CHSY3: variants seen among roughly 807,000 people sequenced by gnomAD.
CHSY3 encodes N-acetylgalactosaminyl-proteoglycan 3-beta-glucuronosyltransferase 3.
A neutral mutation model predicts 67.2 loss-of-function variants in CHSY3; 35 were observed. That is an observed-to-expected ratio of 0.52 (90% CI 0.40 to 0.69). CHSY3 has a LOEUF of 0.69. Among genes scored for constraint, CHSY3 ranks in the 30% least tolerant of loss-of-function variants. CHSY3 has a pLI of 0.00. For missense variants in CHSY3, 1,069 were observed against 1,138.5 expected (o/e 0.94, Z 0.88); for synonymous variants, 474 against 434.7 (o/e 1.09, Z -1.12).
In CHSY3 at chr5:129,905,284, G is replaced by A. The variant is rs1322921873; in HGVS notation, c.455G>A (p.Ser152Asn). 4.1e-6 allele frequency: 6 copies of A among 1,470,672 alleles called. No homozygotes were observed. The highest frequency in any genetic ancestry group is 5.4e-6 in the Non-Finnish European group (6 of 1,114,166). The allele number at this position is 1,470,672 out of a possible 1,614,324, so 91.1% of individuals were successfully genotyped here. The change falls in exon 1 of 3, where the codon AGT becomes AAT. Residue 152 changes from serine (S) to asparagine (N), a missense_variant. Physicochemically the swap from Ser to Asn is conservative, Grantham distance 46. Around this residue, in one of 5 missense-constraint regions of CHSY3, gnomAD observed 309 missense variants for 262.5 expected, o/e 1.18. Transcript: ENST00000305031. ...CAGCGGAGAGACGGCCGGCCGGGGA[G>A]TAGCCACAACGGCAGCGGGGACGGG... Reference protein sequence around the residue: ...AGQRRDGRPGSSHNGSGDGGA... With the variant: ...AGQRRDGRPGNSHNGSGDGGA...
At chr5:129,935,328 T>G (rs187803182) in intron 2 of CHSY3, among the ~76,000 whole-genome samples, 14 of 152,284 alleles carry the variant, frequency 9.2e-5, no homozygotes, top group African/African-American at 3.4e-4. Flanking sequence ...TTGTTTAATT[T>G]TGGCAGTCTA....
chr5:130,131,324 G>A (rs141357166), intron 2 of CHSY3, among the ~76,000 whole-genome samples: 1 of 151,972 alleles, frequency 6.6e-6, no homozygotes, highest in Non-Finnish European at 1.5e-5. Context: ...CTCTTACTTG[G>A]GCCTTCTGCA....
rs142814340 is a variant in CHSY3, at chr5:130,029,143, C to T, written c.1086+120783C>T. On this transcript the variant is annotated intron_variant, in intron 2 of 2. Transcript: ENST00000305031. Reference sequence around the variant, plus strand: ...GCCAAAAGCCAGTTGCCCCAATCGTCACAGAAGTGAGTAAAGTGCTATTTG... The same window carrying T: ...GCCAAAAGCCAGTTGCCCCAATCGTTACAGAAGTGAGTAAAGTGCTATTTG... 9.7e-4 allele frequency among the ~76,000 whole-genome samples: 147 copies of T among 152,208 alleles called. 1 individual carries two copies. Among genetic ancestry groups the T allele is most frequent in the South Asian group, 2.7e-3 (13 of 4,830 alleles).
intron 2 of CHSY3, among the ~76,000 whole-genome samples, chr5:130,095,072 A>G (rs1767000543): frequency 6.6e-6 from 1 of 152,124 alleles, no homozygotes; most frequent in Admixed American, 6.6e-5. Context: ...AATTGTATAT[A>G]CTATAATTAT....
intron 2 of CHSY3, among the ~76,000 whole-genome samples, chr5:130,128,359 C>T (rs546592949): frequency 6.6e-6 from 1 of 151,660 alleles, no homozygotes; most frequent in Non-Finnish European, 1.5e-5. Flanking sequence ...ATAAGGAAGT[C>T]CTGCCATTTG....
chr5:130,103,552 A>G (rs1208663804), intron 2 of CHSY3, among the ~76,000 whole-genome samples: 1 of 152,080 alleles, frequency 6.6e-6, no homozygotes, highest in Admixed American at 6.6e-5. Context: ...TGCCAGACCT[A>G]GGGTAGCATT....
chr5:130,087,525 G>A (rs1340933603), intron 2 of CHSY3, among the ~76,000 whole-genome samples: 5 of 151,158 alleles, frequency 3.3e-5, no homozygotes, highest in Non-Finnish European at 7.4e-5. Context: ...AAAATCTCAG[G>A]ATACAAAATC....
chr5:129,995,670 C>T lies in CHSY3; in HGVS notation c.1086+87310C>T, dbSNP rs114927019. Among the ~76,000 whole-genome samples, 319 of 152,048 alleles carry T rather than the reference C, an allele frequency of 2.1e-3. 1 individual carries two copies. The highest frequency in any genetic ancestry group is 7.1e-3 in the African/African-American group (296 of 41,502). On this transcript the variant is annotated intron_variant, in intron 2 of 2. Transcript: ENST00000305031. ...TCTCCCTCTCCCATGTTGGAGCCAA[C>T]ATTCTAATTCTAGTCATTAGTTCTG...
intron 2 of CHSY3, among the ~76,000 whole-genome samples, chr5:130,025,385 CAGA>C (rs1302918327): frequency 6.6e-6 from 1 of 152,006 alleles, no homozygotes; most frequent in Non-Finnish European, 1.5e-5. Flanking sequence ...CCTGTGTAGT[CAGA>C]GAAGGAAGTA....
rs1213206642 is a variant in CHSY3, at chr5:130,185,769, G to A, written c.2627G>A (p.Arg876Lys). The change falls in exon 3 of 3, where the codon AGG becomes AAG. Residue 876 changes from arginine (R) to lysine (K), a missense_variant. Physicochemically the swap from Arg to Lys is conservative, Grantham distance 26 (BLOSUM62 2). Around this residue, in one of 5 missense-constraint regions of CHSY3, gnomAD observed 139 missense variants for 152.8 expected, o/e 0.91. Transcript: ENST00000305031. Reference protein sequence around the residue: ...ELWLEKHLGVRYNRTLS With the variant: ...ELWLEKHLGVKYNRTLS ...TGGCTTGAAAAACATTTAGGTGTCA[G>A]GTACAATCGAACTCTCTCCTGACAG... 2 of 1,602,006 alleles carry A rather than the reference G, an allele frequency of 1.2e-6. No individual in the cohort carries two copies. The highest frequency in any genetic ancestry group is 1.7e-6 in the Non-Finnish European group (2 of 1,172,404).
At chr5:130,091,138 A>ACGCG (rs1554082153) in intron 2 of CHSY3, among the ~76,000 whole-genome samples, 1 of 98,886 alleles carries the variant, frequency 1.0e-5, no homozygotes, top group African/African-American at 3.6e-5. Context: ...ACACACACGC[A>ACGCG]CACGCGCGCA....
At position 129,906,459 on chromosome 5, in the gene CHSY3, G is replaced by C. The variant is rs147555707; in HGVS notation, c.802+828G>C. On this transcript the variant is annotated intron_variant, in intron 1 of 2. Transcript: ENST00000305031. ...TATTGGTTCCTTTCCAGTGCATTTT[G>C]TTGGCCGCGGTGATAAGCAGAGGCT... Among the ~76,000 whole-genome samples the C allele has an allele frequency of 4.8e-3, 728 of 152,292 alleles. 8 individuals are homozygous for C. The highest frequency in any genetic ancestry group is 0.017 in the African/African-American group (698 of 41,560).
intron 2 of CHSY3, among the ~76,000 whole-genome samples, chr5:130,158,542 T>C (rs964384469): frequency 4.6e-5 from 7 of 152,318 alleles, no homozygotes; most frequent in African/African-American, 1.7e-4. Flanking sequence ...GCATTTATCA[T>C]CAAATGTGGG....
chr5:129,987,003 G>C (rs983068936), intron 2 of CHSY3, among the ~76,000 whole-genome samples: 8 of 152,232 alleles, frequency 5.3e-5, no homozygotes, highest in South Asian at 2.1e-4. Flanking sequence ...AGTTGAAAAA[G>C]AGATATCAAA....
At chr5:130,081,651 A>G (rs1407487096) in intron 2 of CHSY3, among the ~76,000 whole-genome samples, 1 of 151,966 alleles carries the variant, frequency 6.6e-6, no homozygotes, top group Non-Finnish European at 1.5e-5. Context: ...TGCTGTTCTC[A>G]TGATAATAAG....
intron 2 of CHSY3, among the ~76,000 whole-genome samples, chr5:129,920,706 C>T (rs1218882449): frequency 6.6e-6 from 1 of 152,218 alleles, no homozygotes; most frequent in Non-Finnish European, 1.5e-5. Flanking sequence ...GTAACTTTTA[C>T]AGTTTGAAGT....
chr5:130,065,692 T>G (rs1765861581), intron 2 of CHSY3, among the ~76,000 whole-genome samples: 1 of 152,124 alleles, frequency 6.6e-6, no homozygotes, highest in South Asian at 2.1e-4. Context: ...GTCACCAGTT[T>G]AAAAGGTTCA....
intron 2 of CHSY3, among the ~76,000 whole-genome samples, chr5:130,088,200 C>G (rs1561531106): frequency 6.6e-6 from 1 of 152,000 alleles, no homozygotes; most frequent in Non-Finnish European, 1.5e-5. Context: ...TTCCTTACAC[C>G]TTGTACAAAA....
At chr5:130,112,690 A>C (rs1386751976) in intron 2 of CHSY3, among the ~76,000 whole-genome samples, 1 of 152,112 alleles carries the variant, frequency 6.6e-6, no homozygotes, top group Non-Finnish European at 1.5e-5. Flanking sequence ...AGAGATATAG[A>C]CTGGAATGGC....
Sources: gnomAD v4.1 joint callset for allele counts (sites outside exome capture counted in the v4.1 genomes callset) on GRCh38, gnomAD v4.1.1 for gene constraint, gnomAD v4.1.1 regional missense constraint, MANE v1.5 for transcripts, NCBI Gene and HGNC (gene_info 2026-07-23, HGNC 2026-07-21) for gene names.